SLC17A8: variants seen among roughly 807,000 people sequenced by gnomAD.
SLC17A8 encodes the protein solute carrier family 17 member 8, also known as vesicular glutamate transporter 3.
Under a neutral mutation model 58.0 loss-of-function variants are expected in SLC17A8, and 31 were observed. That is an observed-to-expected ratio of 0.53 (90% CI 0.40 to 0.72). The LOEUF (loss-of-function observed/expected upper bound fraction) is 0.72. SLC17A8 is among the 30% of genes least tolerant of loss of function. The probability of loss-of-function intolerance (pLI) is 0.00; values close to 1 mark genes in which losing one functional copy is unlikely to be tolerated. For synonymous variants in SLC17A8, 228 were observed against 249.0 expected, an observed-to-expected ratio of 0.92 and a Z score of 0.79; for missense variants, 655 against 727.8, an observed-to-expected ratio of 0.90 and a Z score of 1.15.
At chr12:100,361,248 C>T (rs1297322386) in intron 1 of SLC17A8, among the ~76,000 whole-genome samples, 2 of 152,230 alleles carry the variant, frequency 1.3e-5, no homozygotes, top group African/African-American at 2.4e-5. Context: ...TCAAGGTCCT[C>T]TGTGATCTAG....
intron 1 of SLC17A8, among the ~76,000 whole-genome samples, chr12:100,369,759 G>A (rs1952546245): frequency 6.6e-6 from 1 of 152,224 alleles, no homozygotes; most frequent in Admixed American, 6.5e-5. Context: ...ATATTGGACA[G>A]CTATAAATGA....
In SLC17A8 at chr12:100,421,508, T is replaced by C. The variant is rs1431258825; in HGVS notation, c.*1349T>C. On this transcript the variant is annotated 3_prime_UTR_variant, in exon 12 of 12. Coordinates refer to ENST00000323346, the MANE Select transcript of SLC17A8 (RefSeq NM_139319.3). ...AATTACATGGATACTTTTAGATATA[T>C]TTAAAATTTTAACATTGGCATCTAA... The C allele has an allele frequency of 6.6e-6, 1 of 152,180 alleles. No individual in the cohort carries two copies. Among genetic ancestry groups the C allele is most frequent in the East Asian group, 1.9e-4 (1 of 5,198 alleles). The allele number at this position is 152,180 out of a possible 1,614,324, so 9.4% of individuals were successfully genotyped here.
chr12:100,368,328 C>T (rs759036349), intron 1 of SLC17A8, among the ~76,000 whole-genome samples: 1 of 152,214 alleles, frequency 6.6e-6, no homozygotes, highest in Non-Finnish European at 1.5e-5. Flanking sequence ...TTTGTTGTCA[C>T]ATGGTCTTCT....
chr12:100,397,840 G>A (rs576930842), intron 5 of SLC17A8, among the ~76,000 whole-genome samples: 52 of 151,878 alleles, frequency 3.4e-4, no homozygotes, highest in Non-Finnish European at 6.8e-4. Flanking sequence ...CTACTCAGGA[G>A]GCCAAGGTGG....
chr12:100,390,821 C>A (rs1952710470), intron 2 of SLC17A8, among the ~76,000 whole-genome samples, 180 bp from the exon 3 acceptor site: 1 of 152,132 alleles, frequency 6.6e-6, no homozygotes, highest in South Asian at 2.1e-4. Context: ...ACCACTACGC[C>A]TGGCCCAGGA....
intron 2 of SLC17A8, 82 bp from the exon 3 acceptor site, chr12:100,390,919 A>G: frequency 1.1e-6 from 1 of 893,046 alleles, no homozygotes; most frequent in Non-Finnish European, 1.9e-6. Flanking sequence ...TCATGAGGTA[A>G]TTATTGTGTA....
chr12:100,369,975 T>C (rs771545105), intron 1 of SLC17A8, among the ~76,000 whole-genome samples: 14 of 152,354 alleles, frequency 9.2e-5, no homozygotes, highest in Admixed American at 2.6e-4. Context: ...TGAGAGCCAA[T>C]TGTAGCCATG....
At chr12:100,398,400 T>C (rs922488154) in intron 5 of SLC17A8, among the ~76,000 whole-genome samples, 1 of 152,188 alleles carries the variant, frequency 6.6e-6, no homozygotes, top group Admixed American at 6.5e-5. Flanking sequence ...CTTACTTTCT[T>C]TGGATGGTTT....
intron 3 of SLC17A8, among the ~76,000 whole-genome samples, chr12:100,391,780 A>G (rs1217439369): frequency 6.6e-6 from 1 of 152,084 alleles, no homozygotes; most frequent in Non-Finnish European, 1.5e-5. Flanking sequence ...CCTGGGCCTC[A>G]GTTTCTTCAT....
chr12:100,380,957 G>A lies in SLC17A8; in HGVS notation c.354+4G>A, dbSNP rs727504846. 4.3e-6 allele frequency: 7 copies of A among 1,613,936 alleles called. No homozygotes were observed. In the East Asian group the frequency reaches 1.1e-4, roughly 26 times the overall value. The stretch of plus-strand genomic sequence containing the variant: ...TGATGGAAAACCGGAAATTCAGGTT[G>A]GTATCAGTCCATGGTGGAAGACTTT... On this transcript the variant is annotated splice_donor_region_variant and intron_variant, in intron 2 of 11. Transcript: ENST00000323346.
At chr12:100,366,954 G>T (rs1452056886) in intron 1 of SLC17A8, among the ~76,000 whole-genome samples, 3 of 152,180 alleles carry the variant, frequency 2.0e-5, no homozygotes, top group African/African-American at 7.2e-5. Context: ...CACTGGTTCT[G>T]GAGCAGCACC....
At chr12:100,374,471 G>A (rs1393078970) in intron 1 of SLC17A8, among the ~76,000 whole-genome samples, 1 of 152,104 alleles carries the variant, frequency 6.6e-6, no homozygotes, top group East Asian at 1.9e-4. Context: ...AATTAGCCGG[G>A]CGTGGTGGCC....
At chr12:100,406,538 ATTT>A (rs142080424) in intron 9 of SLC17A8, among the ~76,000 whole-genome samples, 1 of 142,108 alleles carries the variant, frequency 7.0e-6, no homozygotes. Flanking sequence ...ATATGATCTC[ATTT>A]TTTTTTTTTT....
chr12:100,419,723 C>A, intron 11 of SLC17A8, 92 bp from the exon 12 acceptor site: 1 of 1,245,012 alleles, frequency 8.0e-7, no homozygotes, highest in Non-Finnish European at 1.2e-6. Context: ...TCCAAATGGG[C>A]AGGTGCTTTT....
At chr12:100,416,251 A>C (rs1393202643) in intron 10 of SLC17A8, among the ~76,000 whole-genome samples, 1 of 152,236 alleles carries the variant, frequency 6.6e-6, no homozygotes, top group Non-Finnish European at 1.5e-5. Context: ...AGCTGAATGC[A>C]GATGCCCAGG....
intron 1 of SLC17A8, among the ~76,000 whole-genome samples, chr12:100,363,976 G>A (rs564967423): frequency 6.6e-6 from 1 of 150,376 alleles, no homozygotes; most frequent in South Asian, 2.1e-4. Context: ...AAACCCAAGG[G>A]GGAAGAGGTT....
chr12:100,414,087 A>G lies in SLC17A8; in HGVS notation c.1297+1207A>G, dbSNP rs1593008142. Among the ~76,000 whole-genome samples the G allele has an allele frequency of 2.0e-5, 3 of 152,344 alleles. No homozygotes were observed. In the East Asian group the frequency reaches 5.8e-4, roughly 29 times the overall value. ...GTGAAGCAAGTAGTAGTATATCACT[A>G]TGCTACTGGGTTTTTCACTATTTTA... On this transcript the variant is annotated intron_variant, in intron 10 of 11. Transcript: ENST00000323346.
rs539062262 is a variant in SLC17A8 at position 100,411,844 on chromosome 12, TTG to T, written c.1187-924_1187-923del. 4.5e-3 allele frequency among the ~76,000 whole-genome samples: 497 copies of T among 111,080 alleles called. 2 individuals carry two copies. Among genetic ancestry groups the T allele is most frequent in the African/African-American group, 0.014 (477 of 33,322 alleles). 72.9% of individuals were successfully genotyped at this position (111,080 alleles called of 152,430 possible). On this transcript the variant is annotated intron_variant, in intron 9 of 11. Transcript: ENST00000323346. ...TCTGTGCAAAATTCTCATGTATTGT[TTG>T]TTTTTTTTTTTTTTAAGAGGCCTGA...
Position 100,370,242 on chromosome 12 carries a change from C to T in SLC17A8, c.102-10459C>T, listed in dbSNP as rs746923016. On this transcript the variant is annotated intron_variant, in intron 1 of 11. Transcript: ENST00000323346. ...GTTCCAGGATTACAGGTGTGAGCCA[C>T]TGTGCTGGGCCTTGGTTTTTAAACT... Among the ~76,000 whole-genome samples the T allele has an allele frequency of 2.6e-5, 4 of 152,224 alleles. No individual in the cohort carries two copies. The East Asian group carries it at 5.8e-4, about 22-fold the overall frequency.
Sources: gnomAD v4.1 joint callset for allele counts (sites outside exome capture counted in the v4.1 genomes callset) on GRCh38, gnomAD v4.1.1 for gene constraint, MANE v1.5 for transcripts, NCBI Gene and HGNC (gene_info 2026-07-23, HGNC 2026-07-21) for gene names.